CDH18: variants seen among roughly 807,000 people sequenced by gnomAD.
CDH18 encodes cadherin-18.
CDH18 carries 31 observed loss-of-function variants against 67.9 expected under a neutral mutation model. That is an observed-to-expected ratio of 0.46 (90% CI 0.34 to 0.62). The LOEUF is 0.62. CDH18 is among the 20% of genes least tolerant of loss of function. The pLI, the probability that CDH18 is intolerant of heterozygous loss-of-function variation, is 0.01. For synonymous variants in CDH18, 362 were observed against 347.2 expected, an observed-to-expected ratio of 1.04 and a Z score of -0.48; for missense variants, 890 against 975.5, an observed-to-expected ratio of 0.91 and a Z score of 1.17.
intron 2 of CDH18, among the ~76,000 whole-genome samples, chr5:19,904,352 G>C (rs997892750): frequency 7.4e-6 from 1 of 135,472 alleles, no homozygotes; most frequent in Admixed American, 7.4e-5. Flanking sequence ...GGGAGGGAGG[G>C]AGGGGAAGGG....
intron 7 of CDH18, among the ~76,000 whole-genome samples, chr5:19,587,622 G>A (rs553905421): frequency 2.7e-4 from 40 of 149,394 alleles, no homozygotes; most frequent in Admixed American, 8.1e-4. Flanking sequence ...CTTATGTGTG[G>A]GTTTTGTATT....
intron 5 of CDH18, among the ~76,000 whole-genome samples, chr5:19,627,058 G>A (rs901394820): frequency 6.6e-6 from 1 of 152,108 alleles, no homozygotes; most frequent in Non-Finnish European, 1.5e-5. Flanking sequence ...TCTGTATGGT[G>A]TAAATATTAT....
intron 2 of CDH18, among the ~76,000 whole-genome samples, chr5:20,063,761 C>A (rs1056145198): frequency 2.6e-5 from 4 of 152,160 alleles, no homozygotes; most frequent in Non-Finnish European, 5.9e-5. Context: ...ACATTCTATT[C>A]CTAAATATCT....
intron 1 of CDH18, among the ~76,000 whole-genome samples, chr5:20,542,900 T>C (rs1757133074): frequency 6.6e-6 from 1 of 152,064 alleles, no homozygotes; most frequent in South Asian, 2.1e-4. Context: ...CTACAGTTTT[T>C]ATTGTTTTAT....
intron 2 of CDH18, among the ~76,000 whole-genome samples, chr5:20,023,713 A>C (rs1252961307): frequency 1.3e-5 from 2 of 152,184 alleles, no homozygotes; most frequent in Admixed American, 6.5e-5. Context: ...TACTTTCAAG[A>C]ATATTTAGCA....
chr5:19,985,087 A>G (rs1273914546), intron 1 of CDH18, among the ~76,000 whole-genome samples: 4 of 152,122 alleles, frequency 2.6e-5, no homozygotes, highest in African/African-American at 9.7e-5. Context: ...TTTGTCTTCA[A>G]CCTCAACATT....
intron 1 of CDH18, among the ~76,000 whole-genome samples, chr5:20,448,293 T>G (rs1203788558): frequency 6.6e-6 from 1 of 151,366 alleles, no homozygotes; most frequent in South Asian, 2.1e-4. Context: ...TTTTTTTTTT[T>G]GAGATATCTT....
At chr5:20,135,699 G>C (rs1241836488) in intron 2 of CDH18, among the ~76,000 whole-genome samples, 1 of 152,100 alleles carries the variant, frequency 6.6e-6, no homozygotes, top group Non-Finnish European at 1.5e-5. Context: ...GTCAATTTTA[G>C]ATCTTTCCTG....
intron 1 of CDH18, among the ~76,000 whole-genome samples, chr5:20,355,787 T>A (rs144743258): frequency 6.6e-6 from 1 of 152,338 alleles, no homozygotes; most frequent in Non-Finnish European, 1.5e-5. Context: ...GCAAGCCTAA[T>A]ATTTACATAC....
intron 1 of CDH18, among the ~76,000 whole-genome samples, chr5:19,982,938 G>A (rs1169551764): frequency 6.6e-6 from 1 of 151,040 alleles, no homozygotes; most frequent in Non-Finnish European, 1.5e-5. Flanking sequence ...CAGATACTTG[G>A]GAGGCTGAGG....
intron 2 of CDH18, among the ~76,000 whole-genome samples, chr5:20,247,419 A>T (rs750686460): frequency 6.6e-6 from 1 of 152,314 alleles, no homozygotes; most frequent in African/African-American, 2.4e-5. Flanking sequence ...TTAGTTAACT[A>T]CAGTTGTTAA....
chr5:20,201,458 A>T (rs1739438633), intron 2 of CDH18, among the ~76,000 whole-genome samples: 1 of 152,088 alleles, frequency 6.6e-6, no homozygotes, highest in Non-Finnish European at 1.5e-5. Flanking sequence ...GGATTGCAAT[A>T]TGAGCATGGG....
intron 1 of CDH18, among the ~76,000 whole-genome samples, chr5:20,487,262 T>C (rs950303302): frequency 6.6e-6 from 1 of 151,880 alleles, no homozygotes; most frequent in African/African-American, 2.4e-5. Context: ...CCCAGCATTT[T>C]CTGTTTCCTA....
intron 2 of CDH18, among the ~76,000 whole-genome samples, chr5:20,148,195 G>T (rs1175241383): frequency 6.6e-6 from 1 of 151,454 alleles, no homozygotes; most frequent in Non-Finnish European, 1.5e-5. Flanking sequence ...AGGTTCAAGC[G>T]ATTCTCCTGC....
At chr5:20,015,676 A>G (rs959625344) in intron 2 of CDH18, among the ~76,000 whole-genome samples, 3 of 152,176 alleles carry the variant, frequency 2.0e-5, no homozygotes, top group Non-Finnish European at 4.4e-5. Flanking sequence ...TGAATTGGTA[A>G]TGAGACAACT....
Position 19,604,597 on chromosome 5 carries a change from T to G in CDH18, c.811+7837A>C, listed in dbSNP as rs151084930. On this transcript the variant is annotated intron_variant, in intron 6 of 12. Transcript: ENST00000382275. ...CACACAAAGTATTCTGAGATTTTCC[T>G]GCATTTAAGAGACTTAAGCTGAATA... is the stretch of plus-strand genomic sequence containing the variant. 3.3e-3 allele frequency among the ~76,000 whole-genome samples: 500 copies of G among 150,796 alleles called. 8 individuals carry two copies. Among genetic ancestry groups the G allele is most frequent in the African/African-American group, 0.012 (482 of 41,146 alleles).
chr5:19,747,363 TTAC>T, intron 3 of CDH18, 127 bp from the exon 4 acceptor site: 1 of 694,596 alleles, frequency 1.4e-6, no homozygotes, highest in Non-Finnish European at 2.3e-6. Flanking sequence ...GCCCTGTGTG[TTAC>T]TACTATCATT....
At chr5:19,788,097 A>G (rs1027487296) in intron 3 of CDH18, among the ~76,000 whole-genome samples, 4 of 152,176 alleles carry the variant, frequency 2.6e-5, no homozygotes, top group African/African-American at 9.6e-5. Context: ...TGTGTTTGCC[A>G]TTTTGCTTAT....
chr5:19,893,605 G>A (rs1382212012), intron 2 of CDH18, among the ~76,000 whole-genome samples: 1 of 151,504 alleles, frequency 6.6e-6, no homozygotes, highest in Admixed American at 6.6e-5. Context: ...TCTCCTACAA[G>A]ATTATTTAGC....
Sources: allele counts gnomAD v4.1 joint callset (sites outside exome capture counted in the v4.1 genomes callset), GRCh38; gene constraint gnomAD v4.1.1; transcripts MANE v1.5; gene names NCBI Gene and HGNC (gene_info 2026-07-23, HGNC 2026-07-21).